GALNT2: variants seen among roughly 807,000 people sequenced by gnomAD.
GALNT2 encodes the protein UDP-GalNAc:polypeptide N-acetylgalactosaminyltransferase 2.
Under a neutral mutation model 81.4 loss-of-function variants are expected in GALNT2, and 31 were observed. The observed-to-expected ratio is 0.38, with a 90% CI of 0.29 to 0.51. The LOEUF (loss-of-function observed/expected upper bound fraction) is 0.51. Among genes scored for constraint, GALNT2 ranks in the 20% least tolerant of loss-of-function variants. The probability of loss-of-function intolerance (pLI) is 0.87; values close to 1 mark genes in which losing one functional copy is unlikely to be tolerated. For synonymous variants in GALNT2, 303 were observed against 287.4 expected (o/e 1.05, Z -0.55); for missense variants, 629 against 765.7 (o/e 0.82, Z 2.11).
intron 1 of GALNT2, among the ~76,000 whole-genome samples, chr1:230,156,227 G>A (rs61283836): frequency 0.11 from 16,295 of 147,912 alleles, 953 homozygotes; most frequent in South Asian, 0.18. Context: ...GAGAGAGAGA[G>A]AGAGAAAGAG....
intron 3 of GALNT2, among the ~76,000 whole-genome samples, chr1:230,217,425 G>A (rs1467147422): frequency 6.6e-6 from 1 of 152,198 alleles, no homozygotes; most frequent in Admixed American, 6.5e-5. Context: ...ACAGCAGGAA[G>A]CCAGAGTCGC....
At chr1:230,134,561 C>G (rs752326544) in intron 1 of GALNT2, among the ~76,000 whole-genome samples, 14 of 152,232 alleles carry the variant, frequency 9.2e-5, no homozygotes, top group African/African-American at 4.8e-5. Flanking sequence ...CAAACCTCCC[C>G]TCATTCTGGG....
intron 1 of GALNT2, among the ~76,000 whole-genome samples, chr1:230,076,580 T>C (rs1659564820): frequency 1.3e-5 from 2 of 152,170 alleles, no homozygotes; most frequent in South Asian, 4.1e-4. Flanking sequence ...GATAGTATTG[T>C]ACTTGGGGAC....
intron 1 of GALNT2, among the ~76,000 whole-genome samples, chr1:230,146,000 G>T (rs1170807012): frequency 6.6e-6 from 1 of 152,204 alleles, no homozygotes; most frequent in Admixed American, 6.5e-5. Flanking sequence ...TAGTGGACCT[G>T]CTTCTGGTGT....
At chr1:230,139,327 G>A (rs1005319613) in intron 1 of GALNT2, among the ~76,000 whole-genome samples, 16 of 152,148 alleles carry the variant, frequency 1.1e-4, no homozygotes, top group Non-Finnish European at 1.6e-4. Flanking sequence ...GCTCCTTCCT[G>A]GCCACATGTG....
intron 1 of GALNT2, among the ~76,000 whole-genome samples, chr1:230,167,969 C>CCCCCT (rs1662666884): frequency 6.6e-6 from 1 of 151,866 alleles, no homozygotes; most frequent in African/African-American, 2.4e-5. Flanking sequence ...ATACCCCCCC[C>CCCCCT]TTTTTTTTGT....
At chr1:230,229,051 A>T (rs1664796824) in intron 3 of GALNT2, among the ~76,000 whole-genome samples, 1 of 152,254 alleles carries the variant, frequency 6.6e-6, no homozygotes, top group African/African-American at 2.4e-5. Context: ...TTCACAATAT[A>T]TTAATGACCT....
At chr1:230,069,917 G>T in intron 1 of GALNT2, among the ~76,000 whole-genome samples, 1 of 152,148 alleles carries the variant, frequency 6.6e-6, no homozygotes. Flanking sequence ...TAGGGTACTA[G>T]GCTGCAGTAT....
intron 1 of GALNT2, among the ~76,000 whole-genome samples, chr1:230,176,831 C>T (rs990240627): frequency 3.3e-5 from 5 of 152,154 alleles, no homozygotes; most frequent in South Asian, 2.1e-4. Flanking sequence ...TTTGTTGCAG[C>T]GTGGGGTAAG....
intron 1 of GALNT2, among the ~76,000 whole-genome samples, chr1:230,122,170 G>A (rs1661036807): frequency 6.6e-6 from 1 of 152,034 alleles, no homozygotes; most frequent in Non-Finnish European, 1.5e-5. Flanking sequence ...ATAAACCTTT[G>A]CCCCGCAAGC....
At chr1:230,242,473 A>G (rs1354975598) in intron 6 of GALNT2, among the ~76,000 whole-genome samples, 1 of 152,188 alleles carries the variant, frequency 6.6e-6, no homozygotes, top group Non-Finnish European at 1.5e-5. Flanking sequence ...CCCAGCATAT[A>G]TAGCAAAAGC....
At chr1:230,145,669 A>C (rs76088525) in intron 1 of GALNT2, among the ~76,000 whole-genome samples, 1,564 of 152,316 alleles carry the variant, frequency 0.01, 28 homozygotes, top group African/African-American at 0.036. Context: ...GCATAGTGCC[A>C]ATGGGGGCCT....
intron 1 of GALNT2, 74 bp downstream of exon 1, chr1:230,067,480 C>G: frequency 6.2e-6 from 3 of 484,868 alleles, no homozygotes; most frequent in Non-Finnish European, 8.9e-6. Flanking sequence ...CCTGCCCTCT[C>G]CGCGCCGCCC....
chr1:230,268,196 A>G (rs889722848), intron 14 of GALNT2: 2 of 152,230 alleles, frequency 1.3e-5, no homozygotes, highest in Non-Finnish European at 2.9e-5. Flanking sequence ...GGTTTCATCT[A>G]AACCGGACAG....
intron 1 of GALNT2, among the ~76,000 whole-genome samples, chr1:230,087,131 C>G (rs1269296001): frequency 6.6e-6 from 1 of 152,174 alleles, no homozygotes; most frequent in African/African-American, 2.4e-5. Context: ...TGGGAGCTGT[C>G]TTCTACCCCT....
At chr1:230,086,626 T>C (rs1248762205) in intron 1 of GALNT2, among the ~76,000 whole-genome samples, 1 of 152,238 alleles carries the variant, frequency 6.6e-6, no homozygotes, top group Non-Finnish European at 1.5e-5. Flanking sequence ...TTTCATTCTT[T>C]GTTCCTCCTT....
chr1:230,160,916 A>C (rs1035076534), intron 1 of GALNT2, among the ~76,000 whole-genome samples: 1 of 152,108 alleles, frequency 6.6e-6, no homozygotes, highest in Non-Finnish European at 1.5e-5. Flanking sequence ...CTCCATACAG[A>C]GTCCTGTTGA....
At chr1:230,079,520 A>G (rs1659664573) in intron 1 of GALNT2, among the ~76,000 whole-genome samples, 2 of 152,266 alleles carry the variant, frequency 1.3e-5, no homozygotes, top group Non-Finnish European at 2.9e-5. Context: ...CTCTGGAGAA[A>G]GTCAGCCCTG....
At chr1:230,069,103 G>A (rs761233515) in intron 1 of GALNT2, among the ~76,000 whole-genome samples, 1 of 152,172 alleles carries the variant, frequency 6.6e-6, no homozygotes, top group Non-Finnish European at 1.5e-5. Context: ...TCCTTAGTCT[G>A]CCACTTTCAT....
Sources: gnomAD v4.1 joint callset for allele counts (sites outside exome capture counted in the v4.1 genomes callset) on GRCh38, gnomAD v4.1.1 for gene constraint, MANE v1.5 for transcripts, NCBI Gene and HGNC (gene_info 2026-07-23, HGNC 2026-07-21) for gene names.